RUSC2: variants seen among roughly 807,000 people sequenced by gnomAD.
RUSC2 encodes AP-4 complex accessory subunit RUSC2.
A neutral mutation model predicts 122.2 loss-of-function variants in RUSC2; 34 were observed. The observed-to-expected ratio is 0.28, with a 90% CI of 0.21 to 0.37. The LOEUF (loss-of-function observed/expected upper bound fraction) is 0.37. Ranked by LOEUF, RUSC2 falls within the 10% of genes least tolerant of loss-of-function variation. The pLI, the probability that RUSC2 is intolerant of heterozygous loss-of-function variation, is 1.00. For missense variants in RUSC2, 1,747 were observed against 1,952.4 expected, an observed-to-expected ratio of 0.89 and a Z score of 1.98; for synonymous variants, 784 against 790.0, an observed-to-expected ratio of 0.99 and a Z score of 0.13.
chr9:35,542,574 A>G (rs1821661616), intron 1 of RUSC2, among the ~76,000 whole-genome samples: 1 of 152,256 alleles, frequency 6.6e-6, no homozygotes, highest in South Asian at 2.1e-4. Flanking sequence ...TAAAACTCCT[A>G]TAATTCAATC....
rs745385557 is a variant in RUSC2 at position 35,548,507 on chromosome 9, C to T, written c.1986C>T (p.Thr662=). 3.1e-6 allele frequency: 5 copies of T among 1,613,052 alleles called. No homozygotes were observed. Among genetic ancestry groups the T allele is most frequent in the Non-Finnish European group, 4.2e-6 (5 of 1,179,766 alleles). The part of the protein sequence containing the change: ...ALPGSPANSH[T]QRDARARADG... ...CAGGGAGCCCAGCCAACAGCCATAC[C>T]CAGAGGGATGCAAGAGCTAGAGCTG... The change falls in exon 2 of 12, where the codon ACC becomes ACT. Residue 662 remains threonine (T), a synonymous_variant. Coordinates refer to ENST00000361226, the MANE Select transcript of RUSC2 (RefSeq NM_014806.5). This position sits in a 1 kb window ranked among gnomAD's most constrained non-coding sequence, Gnocchi z 4.5.
At position 35,557,872 on chromosome 9, in the gene RUSC2, G is replaced by C; in HGVS notation, c.2984-42G>C. On this transcript the variant is annotated intron_variant, in intron 5 of 11. Coordinates refer to ENST00000361226, the MANE Select transcript of RUSC2 (RefSeq NM_014806.5). This position sits in a 1 kb window ranked among gnomAD's most constrained non-coding sequence, Gnocchi z 4.6. ...TTTCAGCCCCAGCTGAGTTGGTTAA[G>C]GACTTGCTCAGGGACCTGTCACATC... 6.3e-7 allele frequency: 1 copy of C among 1,582,204 alleles called. No homozygotes were observed. Among genetic ancestry groups the C allele is most frequent in the Middle Eastern group, 1.7e-4 (1 of 5,992 alleles).
Position 35,555,006 on chromosome 9 carries a change from TC to T in RUSC2, c.2015-53del. ...CCCATCTCTGCTTCTGGGTTTTCTC[TC>T]ATATGGGTTTCAGTGTCTGTCTACT... On this transcript the variant is annotated intron_variant, in intron 2 of 11. Transcript: ENST00000361226. This position sits in a 1 kb window ranked among gnomAD's most constrained non-coding sequence, Gnocchi z 4.6. 1.9e-6 allele frequency: 3 copies of T among 1,595,668 alleles called. No individual in the cohort carries two copies. The South Asian group carries it at 3.3e-5, about 18-fold the overall frequency.
In RUSC2 at chr9:35,546,592, T is replaced by C. The variant is rs764969982; in HGVS notation, c.71T>C (p.Val24Ala). ...CACATCCCCCTGGTGCACTGCCAAG[T>C]CCCAGACAGGCAGTGCTGTGGAGGG... is the stretch of plus-strand genomic sequence containing the variant. ...VHHIPLVHCQ[V>A]PDRQCCGGAG... The change falls in exon 2 of 12, where the codon GTC becomes GCC. Residue 24 changes from valine to alanine, a missense_variant. Transcript: ENST00000361226. This position sits in a 1 kb window ranked among gnomAD's most constrained non-coding sequence, Gnocchi z 4.3. 13 of 1,525,562 alleles carry C rather than the reference T, an allele frequency of 8.5e-6. No homozygotes were observed. The highest frequency in any genetic ancestry group is 2.8e-5 in the African/African-American group (2 of 71,984). 94.5% of individuals were successfully genotyped at this position (1,525,562 alleles called of 1,614,324 possible).
In RUSC2 at chr9:35,546,992, G is replaced by A. The variant is rs373538182; in HGVS notation, c.471G>A (p.Arg157=). ...QLPPSGPRVG[R]PWGTTRSRAG... Reference sequence around the variant, plus strand: ...CACCATCTGGCCCCAGAGTGGGCAGGCCATGGGGGACAACACGCAGTCGGG... The same window carrying A: ...CACCATCTGGCCCCAGAGTGGGCAGACCATGGGGGACAACACGCAGTCGGG... The change falls in exon 2 of 12, where the codon AGG becomes AGA. Residue 157 remains arginine (R), a synonymous_variant. Coordinates refer to ENST00000361226, the MANE Select transcript of RUSC2 (RefSeq NM_014806.5). This position sits in a 1 kb window ranked among gnomAD's most constrained non-coding sequence, Gnocchi z 4.3. 6.2e-7 allele frequency: 1 copy of A among 1,600,434 alleles called. No individual in the cohort carries two copies. Among genetic ancestry groups the A allele is most frequent in the Non-Finnish European group, 8.5e-7 (1 of 1,172,606 alleles).
rs757487829 is a variant in RUSC2 at position 35,555,918 on chromosome 9, C to T, written c.2657-34C>T. On this transcript the variant is annotated intron_variant, in intron 3 of 11. Transcript: ENST00000361226. The surrounding 1 kb of genome is among the most constrained non-coding windows in gnomAD (Gnocchi z 4.6). ...ACTCTGTCTCGCTGTCTCCTGCCAA[C>T]TCTTGTCTTTCTGCTAATCTGTTCT... 5.0e-6 allele frequency: 8 copies of T among 1,602,626 alleles called. No individual in the cohort carries two copies. The highest frequency in any genetic ancestry group is 1.1e-5 in the South Asian group (1 of 90,688).
Position 35,548,050 on chromosome 9 carries a change from G to T in RUSC2, c.1529G>T (p.Arg510Leu), listed in dbSNP as rs375895463. ...DRSLQRSPPV[R>L]LGSLERMLSC... is the part of the protein sequence containing the mutation. ...AGCCTGCAGCGCAGCCCTCCTGTCC[G>T]CCTGGGCTCGCTGGAACGTATGTTG... The change falls in exon 2 of 12, where the codon CGC (arginine) becomes CTC (leucine). Residue 510 changes from arginine to leucine, a missense_variant. Coordinates refer to ENST00000361226, the MANE Select transcript of RUSC2 (RefSeq NM_014806.5). This position sits in a 1 kb window ranked among gnomAD's most constrained non-coding sequence, Gnocchi z 4.5. 3 of 1,613,520 alleles carry T rather than the reference G, an allele frequency of 1.9e-6. No homozygotes were observed. The highest frequency in any genetic ancestry group is 2.7e-5 in the African/African-American group (2 of 75,078).
Position 35,555,556 on chromosome 9 carries a change from T to G in RUSC2, c.2511T>G (p.Asp837Glu), listed in dbSNP as rs761366154. The G allele has an allele frequency of 6.2e-7, 1 of 1,614,060 alleles. No homozygotes were observed. The highest frequency in any genetic ancestry group is 1.1e-5 in the South Asian group (1 of 91,086). The part of the protein sequence containing the change: ...PATSQQPQKE[D>E]QKILTLTEYR... ...CCTCCCAGCAGCCGCAGAAGGAGGA[T>G]CAGAAGATACTGACCTTGACTGAGT... Residue 837 changes from aspartate to glutamate, a missense_variant, in exon 3 of 12, where the codon GAT becomes GAG. Transcript: ENST00000361226. This position sits in a 1 kb window ranked among gnomAD's most constrained non-coding sequence, Gnocchi z 4.6.
intron 1 of RUSC2, among the ~76,000 whole-genome samples, chr9:35,531,135 C>T (rs2132530333): frequency 6.6e-6 from 1 of 152,186 alleles, no homozygotes; most frequent in South Asian, 2.1e-4. Context: ...GTGTCGGGTA[C>T]CTGTAGTCCC....
chr9:35,533,056 G>C (rs1249115321), intron 1 of RUSC2, among the ~76,000 whole-genome samples: 1 of 151,932 alleles, frequency 6.6e-6, no homozygotes. Flanking sequence ...GACCAGCCTG[G>C]GCAACATGGC....
intron 1 of RUSC2, among the ~76,000 whole-genome samples, chr9:35,519,509 T>C (rs1821171279): frequency 6.6e-6 from 1 of 152,188 alleles, no homozygotes; most frequent in South Asian, 2.1e-4. Flanking sequence ...TTGGAGAGCC[T>C]TGAGGCTCCC....
chr9:35,555,720 C>T lies in RUSC2; in HGVS notation c.2656+19C>T. 1 of 1,568,214 alleles carries T rather than the reference C, an allele frequency of 6.4e-7. No individual in the cohort carries two copies. The highest frequency in any genetic ancestry group is 8.5e-7 in the Non-Finnish European group (1 of 1,170,250). On this transcript the variant is annotated intron_variant, in intron 3 of 11. Transcript: ENST00000361226. This position sits in a 1 kb window ranked among gnomAD's most constrained non-coding sequence, Gnocchi z 4.6. ...AGTAATGGTACGAGCTCCAGCATCT[C>T]CCTACCCAACCCGCCACCTCACGCA...
chr9:35,555,805 T>A lies in RUSC2; in HGVS notation c.2656+104T>A. On this transcript the variant is annotated intron_variant, in intron 3 of 11. Transcript: ENST00000361226. This position sits in a 1 kb window ranked among gnomAD's most constrained non-coding sequence, Gnocchi z 4.6. ...TACACTCTCACCTGGGGCCAGAGGTTAGGATGTCTGCATCCCTCCCTCAGC... is the reference window on the plus strand; with the variant it reads ...TACACTCTCACCTGGGGCCAGAGGTAAGGATGTCTGCATCCCTCCCTCAGC... 6.8e-7 allele frequency: 1 copy of A among 1,474,380 alleles called. No homozygotes were observed. The highest frequency in any genetic ancestry group is 2.1e-5 in the Admixed American group (1 of 46,732). The allele number at this position is 1,474,380 out of a possible 1,614,324, so 91.3% of individuals were successfully genotyped here.
At chr9:35,527,547 T>C (rs1006068925) in intron 1 of RUSC2, among the ~76,000 whole-genome samples, 1 of 152,214 alleles carries the variant, frequency 6.6e-6, no homozygotes, top group African/African-American at 2.4e-5. Flanking sequence ...TTCTAATAAT[T>C]CATTGCCACT....
chr9:35,552,698 A>G (rs905751231), intron 2 of RUSC2, among the ~76,000 whole-genome samples: 1 of 152,244 alleles, frequency 6.6e-6, no homozygotes, highest in African/African-American at 2.4e-5. Context: ...TGGGTACCAC[A>G]TCTTAAGAAG....
chr9:35,529,793 A>G (rs1821386287), intron 1 of RUSC2, among the ~76,000 whole-genome samples: 1 of 152,046 alleles, frequency 6.6e-6, no homozygotes, highest in African/African-American at 2.4e-5. Flanking sequence ...GGCATTAAAG[A>G]TTTATTTATT....
intron 1 of RUSC2, among the ~76,000 whole-genome samples, chr9:35,494,941 TAA>T (rs1299632391): frequency 7.8e-6 from 1 of 127,890 alleles, no homozygotes; most frequent in African/African-American, 2.9e-5. Flanking sequence ...AATTTATATA[TAA>T]TATATATTAT....
At chr9:35,494,096 C>T (rs1467310254) in intron 1 of RUSC2, among the ~76,000 whole-genome samples, 3 of 149,456 alleles carry the variant, frequency 2.0e-5, no homozygotes, top group Non-Finnish European at 4.4e-5. Flanking sequence ...ATTTTACATT[C>T]TCATCAGCAA....
At chr9:35,491,483 C>T (rs537002368) in intron 1 of RUSC2, among the ~76,000 whole-genome samples, 1 of 152,290 alleles carries the variant, frequency 6.6e-6, no homozygotes, top group African/African-American at 2.4e-5. Flanking sequence ...CACTGTTTCT[C>T]TTCTGTTTTG....
Sources: allele counts gnomAD v4.1 joint callset (sites outside exome capture counted in the v4.1 genomes callset), GRCh38; gene constraint gnomAD v4.1.1; non-coding constraint Gnocchi (gnomAD v3.1); transcripts MANE v1.5; gene names NCBI Gene and HGNC (gene_info 2026-07-23, HGNC 2026-07-21).